Variants in BNC2 observed in about 807,000 individuals in gnomAD.
The protein encoded by BNC2 is zinc finger protein basonuclin-2.
In BNC2, 20 loss-of-function variants were observed where a neutral mutation model predicts 76.3. The observed-to-expected ratio is 0.26, with a 90% confidence interval of 0.18 to 0.38. The LOEUF (loss-of-function observed/expected upper bound fraction) is 0.38, where lower values mean the gene tolerates loss of function less well. BNC2 is among the 10% of genes least tolerant of loss of function. The probability of loss-of-function intolerance (pLI) is 1.00; values close to 1 mark genes in which losing one functional copy is unlikely to be tolerated. For missense variants in BNC2, 1,382 were observed against 1,399.8 expected (o/e 0.99, Z 0.20); for synonymous variants, 582 against 514.8 (o/e 1.13, Z -1.77).
chr9:16,415,815 A>C lies in BNC2; in HGVS notation c.*3174T>G, dbSNP rs1258283031. The C allele has an allele frequency of 6.6e-6, 1 of 152,202 alleles. No individual in the cohort carries two copies. Among genetic ancestry groups the C allele is most frequent in the Non-Finnish European group, 1.5e-5 (1 of 68,040 alleles). 9.4% of individuals were successfully genotyped at this position (152,202 alleles called of 1,614,324 possible). ...AAGCAAATAGGCTTTATATTGGAAA[A>C]TGTTATTTACTCATTTAGAAGGCCA... is the stretch of plus-strand genomic sequence containing the variant. On this transcript the variant is annotated 3_prime_UTR_variant, in exon 7 of 7. Coordinates refer to ENST00000380672, the MANE Select transcript of BNC2 (RefSeq NM_017637.6).
At chr9:16,717,072 C>T (rs1346677045) in intron 3 of BNC2, among the ~76,000 whole-genome samples, 1 of 152,160 alleles carries the variant, frequency 6.6e-6, no homozygotes, top group Non-Finnish European at 1.5e-5. Context: ...CAGTGTATTT[C>T]TTATGGGAAA....
At chr9:16,452,009 T>C (rs1030014659) in intron 5 of BNC2, among the ~76,000 whole-genome samples, 9 of 152,208 alleles carry the variant, frequency 5.9e-5, no homozygotes, top group African/African-American at 2.2e-4. Context: ...AGTAGCTGAC[T>C]TGGGACAAGA....
rs558044616 is a variant in BNC2 at position 16,814,082 on chromosome 9, GA to G, written c.3+56563del. Among the ~76,000 whole-genome samples, 6 of 152,322 alleles carry G rather than the reference GA, an allele frequency of 3.9e-5. No homozygotes were observed. In the South Asian group the frequency reaches 1.2e-3, roughly 32 times the overall value. ...TGGTGACACGGACCACTGGGCTGTG[GA>G]CAATGTTTTCTGGCCCTACTTGTTT... On this transcript the variant is annotated intron_variant, in intron 1 of 6. Transcript: ENST00000380672.
intron 5 of BNC2, among the ~76,000 whole-genome samples, chr9:16,497,246 T>G (rs748876584): frequency 5.3e-5 from 8 of 152,206 alleles, no homozygotes; most frequent in Non-Finnish European, 7.3e-5. Flanking sequence ...TAGGCCTAAT[T>G]TCTAGATATT....
At chr9:16,779,207 G>T (rs986013649) in intron 1 of BNC2, among the ~76,000 whole-genome samples, 4 of 150,922 alleles carry the variant, frequency 2.7e-5, no homozygotes, top group Non-Finnish European at 4.4e-5. Flanking sequence ...AGGAGGCTGA[G>T]GTAGGAGGAC....
At chr9:16,763,978 C>G (rs1202348619) in intron 1 of BNC2, among the ~76,000 whole-genome samples, 2 of 152,174 alleles carry the variant, frequency 1.3e-5, no homozygotes, top group Non-Finnish European at 2.9e-5. Flanking sequence ...AATCCTAACA[C>G]AAAGTCCCTT....
chr9:16,674,708 A>T (rs773047254), intron 3 of BNC2, among the ~76,000 whole-genome samples: 4 of 152,304 alleles, frequency 2.6e-5, no homozygotes, highest in Non-Finnish European at 5.9e-5. Context: ...TATTCAGCTC[A>T]CTTCTTATAA....
At chr9:16,502,643 G>C (rs564005835) in intron 5 of BNC2, among the ~76,000 whole-genome samples, 1 of 152,024 alleles carries the variant, frequency 6.6e-6, no homozygotes, top group Non-Finnish European at 1.5e-5. Context: ...TTAGAGTCAA[G>C]GTCTTCCACA....
At chr9:16,432,894 A>G (rs1820934117) in intron 6 of BNC2, among the ~76,000 whole-genome samples, 2 of 152,260 alleles carry the variant, frequency 1.3e-5, no homozygotes, top group Non-Finnish European at 2.9e-5. Flanking sequence ...TGACTAACAA[A>G]GTAAAAGTGA....
At chr9:16,819,530 G>A (rs1006760883) in intron 1 of BNC2, among the ~76,000 whole-genome samples, 3 of 152,030 alleles carry the variant, frequency 2.0e-5, no homozygotes, top group Non-Finnish European at 4.4e-5. Flanking sequence ...AGGTGTGGTG[G>A]TGTGTGCCTG....
chr9:16,623,584 G>A (rs1563868441), intron 3 of BNC2, among the ~76,000 whole-genome samples: 1 of 152,168 alleles, frequency 6.6e-6, no homozygotes, highest in East Asian at 1.9e-4. Context: ...AAGTTAATAT[G>A]ATGTGTAGCT....
chr9:16,634,055 A>T (rs1408975723), intron 3 of BNC2, among the ~76,000 whole-genome samples: 1 of 152,184 alleles, frequency 6.6e-6, no homozygotes, highest in Non-Finnish European at 1.5e-5. Context: ...CAGCTAATAC[A>T]AGTGATTCCT....
At chr9:16,659,594 G>C (rs578172581) in intron 3 of BNC2, among the ~76,000 whole-genome samples, 1 of 136,454 alleles carries the variant, frequency 7.3e-6, no homozygotes, top group East Asian at 2.1e-4. Flanking sequence ...GTGACAGAGC[G>C]AGACTCCGTC....
intron 5 of BNC2, among the ~76,000 whole-genome samples, chr9:16,541,886 A>G (rs1314314641): frequency 6.6e-6 from 1 of 152,192 alleles, no homozygotes; most frequent in Non-Finnish European, 1.5e-5. Context: ...GAATCTGAAA[A>G]AAAATGCCTA....
chr9:16,781,186 C>T (rs13289196), intron 1 of BNC2, among the ~76,000 whole-genome samples: 134,195 of 151,906 alleles, frequency 0.88, 59,455 homozygotes, highest in East Asian at 0.99. Context: ...TCAGCTGATA[C>T]GCTTTTACTT....
intron 5 of BNC2, among the ~76,000 whole-genome samples, chr9:16,459,457 G>A (rs1029419742): frequency 7.2e-5 from 11 of 152,116 alleles, no homozygotes; most frequent in Non-Finnish European, 1.3e-4. Context: ...GGTGGGATTC[G>A]AAGGCTCTGG....
rs532671740 is a variant in BNC2, at chr9:16,423,831, T to C, written c.2640-4182A>G. 4.6e-5 allele frequency among the ~76,000 whole-genome samples: 7 copies of C among 152,320 alleles called. No homozygotes were observed. The East Asian group carries it at 1.4e-3, about 29-fold the overall frequency. ...TATGCTTGGAACTACAAATGCTTCC[T>C]TTAAACCTCTGTACTCTTTCTATAC... On this transcript the variant is annotated intron_variant, in intron 6 of 6. Coordinates refer to ENST00000380672, the MANE Select transcript of BNC2 (RefSeq NM_017637.6).
chr9:16,837,310 C>G (rs1818729750), intron 1 of BNC2, among the ~76,000 whole-genome samples: 1 of 152,132 alleles, frequency 6.6e-6, no homozygotes, highest in African/African-American at 2.4e-5. Context: ...TCGAGACCAG[C>G]CTGGCCAACA....
chr9:16,769,793 AC>A (rs1180179142), intron 1 of BNC2, among the ~76,000 whole-genome samples: 1 of 152,210 alleles, frequency 6.6e-6, no homozygotes, highest in Non-Finnish European at 1.5e-5. Flanking sequence ...AAGCTCTGCC[AC>A]CACTTACAAG....
Sources: allele counts gnomAD v4.1 joint callset (sites outside exome capture counted in the v4.1 genomes callset), GRCh38; gene constraint gnomAD v4.1.1; transcripts MANE v1.5; gene names NCBI Gene and HGNC (gene_info 2026-07-23, HGNC 2026-07-21).